The following SPIRE2 variants were observed in gnomAD, a reference collection of about 807,000 sequenced individuals.
The protein encoded by SPIRE2 is protein spire homolog 2.
SPIRE2 carries 76 observed loss-of-function variants against 80.7 expected under a neutral mutation model. The observed-to-expected ratio is 0.94, with a 90% CI of 0.78 to 1.14. The LOEUF is 1.14. Ranked by LOEUF, SPIRE2 falls within the 50% of genes most tolerant of loss-of-function variation. The pLI is 0.00. For missense variants in SPIRE2, 1,196 were observed against 1,015.3 expected (o/e 1.18, Z -2.42); for synonymous variants, 535 against 432.6 (o/e 1.24, Z -2.94).
intron 1 of SPIRE2, among the ~76,000 whole-genome samples, chr16:89,835,741 C>A (rs958011329): frequency 3.3e-5 from 5 of 152,198 alleles, no homozygotes; most frequent in African/African-American, 1.2e-4. Flanking sequence ...TCAGCCCGTG[C>A]CGGGGAAGTC....
At chr16:89,844,508 G>A (rs974059191) in intron 1 of SPIRE2, among the ~76,000 whole-genome samples, 5 of 150,488 alleles carry the variant, frequency 3.3e-5, no homozygotes, top group African/African-American at 1.2e-4. Context: ...GTGCAATCTC[G>A]GCTCACTGCA....
At chr16:89,867,638 G>T (rs1345898505) in intron 12 of SPIRE2, among the ~76,000 whole-genome samples, 1 of 150,076 alleles carries the variant, frequency 6.7e-6, no homozygotes, top group Non-Finnish European at 1.5e-5. Context: ...AGGCTGGAGT[G>T]CAGTGGCGTG....
intron 1 of SPIRE2, among the ~76,000 whole-genome samples, chr16:89,841,076 T>G (rs1232985783): frequency 6.6e-6 from 1 of 151,186 alleles, no homozygotes; most frequent in African/African-American, 2.4e-5. Flanking sequence ...CCCAGCACTT[T>G]GGGAGGCTGA....
chr16:89,834,817 C>T (rs538964610), intron 1 of SPIRE2, among the ~76,000 whole-genome samples: 7 of 139,354 alleles, frequency 5.0e-5, no homozygotes, highest in Admixed American at 1.4e-4. Flanking sequence ...TGCCCGCATT[C>T]GCGGTTGGCC....
At chr16:89,861,230 C>T (rs913647393) in intron 10 of SPIRE2, among the ~76,000 whole-genome samples, 2 of 152,182 alleles carry the variant, frequency 1.3e-5, no homozygotes, top group Non-Finnish European at 2.9e-5. Context: ...CTCACCTTTG[C>T]TGACATCTTG....
At chr16:89,840,245 CTT>C (rs778083127) in intron 1 of SPIRE2, among the ~76,000 whole-genome samples, 7 of 133,290 alleles carry the variant, frequency 5.3e-5, no homozygotes, top group Admixed American at 7.8e-5. Flanking sequence ...AACCTGTCAT[CTT>C]TTTTTTTTTT....
At chr16:89,833,829 C>T (rs4785727) in intron 1 of SPIRE2, among the ~76,000 whole-genome samples, 88,284 of 151,950 alleles carry the variant, frequency 0.58, 26,653 homozygotes, top group East Asian at 0.74. Flanking sequence ...CCGGTGGGGG[C>T]TGGGAGCTCC....
chr16:89,864,835 C>CA (rs1166969651), intron 12 of SPIRE2, among the ~76,000 whole-genome samples: 7 of 151,756 alleles, frequency 4.6e-5, no homozygotes, highest in African/African-American at 1.5e-4. Context: ...TAAACATCAA[C>CA]AAAAAAACAA....
chr16:89,842,208 A>ATTTTTTTTTGTTT (rs2041512602), intron 1 of SPIRE2, among the ~76,000 whole-genome samples: 1 of 81,304 alleles, frequency 1.2e-5, no homozygotes, highest in African/African-American at 6.1e-5. Context: ...TGAACACGTA[A>ATTTTTTTTTGTTT]TTTTTTTTTT....
At position 89,868,098 on chromosome 16, in the gene SPIRE2, C is replaced by G. The variant is rs113080274; in HGVS notation, c.1779-91C>G. On this transcript the variant is annotated intron_variant, in intron 12 of 14. Transcript: ENST00000378247. ...AGGCAGAAGGCAAGGATGGTTTGAC[C>G]TCGGATGCGTGGAGGCCGGGATGCG... is the stretch of plus-strand genomic sequence containing the variant. 696 of 1,413,988 alleles carry G rather than the reference C, an allele frequency of 4.9e-4. 3 individuals carry two copies. In the African/African-American group the frequency reaches 8.8e-3, roughly 18 times the overall value. 87.6% of individuals were successfully genotyped at this position (1,413,988 alleles called of 1,614,324 possible). A position where few individuals can be genotyped will look rare whatever the true frequency, so the allele number is the denominator to read the frequency against.
In SPIRE2 at chr16:89,848,397, A is replaced by C. The variant is rs192767008; in HGVS notation, c.289-1907A>C. On this transcript the variant is annotated intron_variant, in intron 2 of 14. Coordinates refer to ENST00000378247, the MANE Select transcript of SPIRE2 (RefSeq NM_032451.2). ...GGGCTGGGGCTCCACTCCCACTGAT[A>C]TACTTCCCACCAGTGCCCTTGCAGG... Among the ~76,000 whole-genome samples, 204 of 152,372 alleles carry C rather than the reference A, an allele frequency of 1.3e-3. 1 individual carries two copies. The highest frequency in any genetic ancestry group is 0.01 in the Admixed American group (160 of 15,302).
intron 1 of SPIRE2, among the ~76,000 whole-genome samples, chr16:89,837,320 C>T (rs1013496320): frequency 6.6e-6 from 1 of 152,176 alleles, no homozygotes; most frequent in African/African-American, 2.4e-5. Flanking sequence ...TTGAGGTCTC[C>T]GTGTCAGCCC....
At chr16:89,868,013 C>T (rs979036369) in intron 12 of SPIRE2, among the ~76,000 whole-genome samples, 176 bp from the exon 13 acceptor site, 3 of 152,180 alleles carry the variant, frequency 2.0e-5, no homozygotes, top group Admixed American at 6.5e-5. Context: ...GGGTGGATAC[C>T]TAAGTATAAA....
rs553340791 is a variant in SPIRE2 at position 89,857,624 on chromosome 16, G to A, written c.1103-714G>A. Among the ~76,000 whole-genome samples, 3 of 150,534 alleles carry A rather than the reference G, an allele frequency of 2.0e-5. No homozygotes were observed. The East Asian group carries it at 5.8e-4, about 29-fold the overall frequency. ...TCGCCCTTTTTGCCCAGGCTGGAGT[G>A]CAGTGGCGCTATCTCAGCTCACTGC... is the stretch of plus-strand genomic sequence containing the variant. On this transcript the variant is annotated intron_variant, in intron 7 of 14. Coordinates refer to ENST00000378247, the MANE Select transcript of SPIRE2 (RefSeq NM_032451.2).
chr16:89,832,697 A>G (rs779197113), intron 1 of SPIRE2, among the ~76,000 whole-genome samples: 44 of 152,214 alleles, frequency 2.9e-4, no homozygotes, highest in Admixed American at 1.6e-3. Flanking sequence ...CGGTGTGGAG[A>G]TGAGGCCAGG....
chr16:89,830,415 T>A (rs1416368705), intron 1 of SPIRE2, among the ~76,000 whole-genome samples: 1 of 151,288 alleles, frequency 6.6e-6, no homozygotes, highest in Non-Finnish European at 1.5e-5. Context: ...TATGACTTGC[T>A]CTCTCTTGAA....
At chr16:89,858,576 G>C in intron 8 of SPIRE2, 69 bp downstream of exon 8, 1 of 1,433,088 alleles carries the variant, frequency 7.0e-7, no homozygotes, top group Non-Finnish European at 9.2e-7. Flanking sequence ...AAGTGAGAAG[G>C]GCTAAGCTAA....
At chr16:89,843,171 G>T (rs915163858) in intron 1 of SPIRE2, among the ~76,000 whole-genome samples, 5 of 152,160 alleles carry the variant, frequency 3.3e-5, no homozygotes, top group Non-Finnish European at 5.9e-5. Flanking sequence ...GAACCCCGGG[G>T]GAGGAGGGTT....
At chr16:89,847,046 T>G (rs2041568861) in intron 2 of SPIRE2, 1 of 151,556 alleles carries the variant, frequency 6.6e-6, no homozygotes, top group Non-Finnish European at 1.5e-5. Context: ...GATATATTAT[T>G]AAACATGGTG....
Sources: gnomAD v4.1 joint callset for allele counts (sites outside exome capture counted in the v4.1 genomes callset) on GRCh38, gnomAD v4.1.1 for gene constraint, MANE v1.5 for transcripts, NCBI Gene and HGNC (gene_info 2026-07-23, HGNC 2026-07-21) for gene names.